Variants in RNF125 observed in about 807,000 individuals in gnomAD.
RNF125 encodes the protein E3 ubiquitin-protein ligase RNF125.
A neutral mutation model predicts 26.0 loss-of-function variants in RNF125; 21 were observed. The ratio of observed to expected loss-of-function variants is 0.81; its 90% CI spans 0.57 to 1.16. The LOEUF (loss-of-function observed/expected upper bound fraction) is 1.16. RNF125 is among the 50% of genes most tolerant of loss of function. The pLI is 0.00. For missense variants in RNF125, 270 were observed against 299.4 expected (o/e 0.90, Z 0.72); for synonymous variants, 95 against 109.2 (o/e 0.87, Z 0.81).
Position 32,036,039 on chromosome 18 carries a change from A to T in RNF125, c.165-1077A>T, listed in dbSNP as rs1305374487. On this transcript the variant is annotated intron_variant, in intron 1 of 5. Coordinates refer to ENST00000217740, the MANE Select transcript of RNF125 (RefSeq NM_017831.4). Reference sequence around the variant, plus strand: ...CGTGGTGGTGGGTGCCAGTAATCCCAGCTACTTGGGAGGCTGAGTCAGGAG... The same window carrying T: ...CGTGGTGGTGGGTGCCAGTAATCCCTGCTACTTGGGAGGCTGAGTCAGGAG... Among the ~76,000 whole-genome samples the T allele has an allele frequency of 2.0e-5, 3 of 152,042 alleles. No individual in the cohort carries two copies. The East Asian group carries it at 5.8e-4, about 29-fold the overall frequency.
chr18:32,073,208 C>G lies in RNF125; in HGVS notation c.*4824C>G, dbSNP rs1022111766. ...TATTAAAATATCTACTGTGTCTATTCTTAAACATTAATCTTGATTACTATT... is the reference window on the plus strand; with the variant it reads ...TATTAAAATATCTACTGTGTCTATTGTTAAACATTAATCTTGATTACTATT... On this transcript the variant is annotated 3_prime_UTR_variant, in exon 6 of 6. Coordinates refer to ENST00000217740, the MANE Select transcript of RNF125 (RefSeq NM_017831.4). 3 of 152,062 alleles carry G rather than the reference C, an allele frequency of 2.0e-5. No individual in the cohort carries two copies. The highest frequency in any genetic ancestry group is 7.2e-5 in the African/African-American group (3 of 41,416). The allele number at this position is 152,062 out of a possible 1,614,324, so 9.4% of individuals were successfully genotyped here.
chr18:32,089,789 A>G, the RNF125 span, among the ~76,000 whole-genome samples: 2 of 152,226 alleles, frequency 1.3e-5, no homozygotes, highest in Admixed American at 1.3e-4. Flanking sequence ...AGACATAAGT[A>G]AAGCTGCCGT....
chr18:32,049,583 G>A (rs1297655995), intron 4 of RNF125, among the ~76,000 whole-genome samples: 5 of 151,992 alleles, frequency 3.3e-5, no homozygotes, highest in Non-Finnish European at 7.4e-5. Flanking sequence ...ATGGGGTGGT[G>A]GTGTGAGTCG....
chr18:32,046,323 G>C (rs558392415), intron 4 of RNF125, among the ~76,000 whole-genome samples: 2 of 151,980 alleles, frequency 1.3e-5, no homozygotes, highest in African/African-American at 4.8e-5. Context: ...AAGGCTGGGC[G>C]TGGTGGCTCA....
chr18:32,082,840 CA>C, the RNF125 span, among the ~76,000 whole-genome samples: 1 of 152,204 alleles, frequency 6.6e-6, no homozygotes, highest in Non-Finnish European at 1.5e-5. Context: ...CTAAGGTCCT[CA>C]GGGCATTTGT....
chr18:32,042,919 C>G (rs551929596), intron 3 of RNF125, among the ~76,000 whole-genome samples: 3 of 151,602 alleles, frequency 2.0e-5, no homozygotes, highest in Non-Finnish European at 4.4e-5. Flanking sequence ...GAGGCTGAGA[C>G]GGGCAGATCA....
intron 1 of RNF125, among the ~76,000 whole-genome samples, chr18:32,033,738 G>C (rs1434465505): frequency 6.6e-6 from 1 of 151,856 alleles, no homozygotes; most frequent in East Asian, 1.9e-4. Flanking sequence ...AGAATCATTT[G>C]AACCTGGGAG....
At chr18:32,050,666 C>A (rs2039314873) in intron 4 of RNF125, among the ~76,000 whole-genome samples, 1 of 151,762 alleles carries the variant, frequency 6.6e-6, no homozygotes, top group Non-Finnish European at 1.5e-5. Flanking sequence ...ATAATTCCAT[C>A]TCTGGAATAT....
intron 4 of RNF125, among the ~76,000 whole-genome samples, chr18:32,051,718 TAG>T (rs1387437580): frequency 2.9e-5 from 4 of 140,010 alleles, no homozygotes; most frequent in Admixed American, 7.7e-5. Context: ...TTGTTTGAGA[TAG>T]AGTCTTGCTC....
Position 32,071,693 on chromosome 18 carries a change from A to T in RNF125, c.*3309A>T, listed in dbSNP as rs1295332436. 6.6e-6 allele frequency: 1 copy of T among 152,112 alleles called. No homozygotes were observed. Among genetic ancestry groups the T allele is most frequent in the East Asian group, 1.9e-4 (1 of 5,198 alleles). 9.4% of individuals were successfully genotyped at this position (152,112 alleles called of 1,614,324 possible). On this transcript the variant is annotated 3_prime_UTR_variant, in exon 6 of 6. Transcript: ENST00000217740. ...CCAAAATTTTCTATAAGTTATTGTA[A>T]CTCCTTAAAGGTCTTGCTACAGTTC...
intron 4 of RNF125, among the ~76,000 whole-genome samples, chr18:32,051,085 T>C (rs911283639): frequency 6.6e-6 from 1 of 151,984 alleles, no homozygotes; most frequent in Non-Finnish European, 1.5e-5. Flanking sequence ...GCTTAAATTT[T>C]ACTTCCTCAA....
rs1338799640 is a variant in RNF125, at chr18:32,068,599, AC to A, written c.*216del. 6.8e-6 allele frequency: 3 copies of A among 439,826 alleles called. No homozygotes were observed. The highest frequency in any genetic ancestry group is 6.1e-5 in the African/African-American group (3 of 49,494). 27.2% of individuals were successfully genotyped at this position (439,826 alleles called of 1,614,324 possible). A position where few individuals can be genotyped will look rare whatever the true frequency, so the allele number is the denominator to read the frequency against. ...CCTTGAGATTCTTACACATCTAACAACAAAAAAAATTATCTACATCAGTCAT... is the reference window on the plus strand; with the variant it reads ...CCTTGAGATTCTTACACATCTAACAAAAAAAAAATTATCTACATCAGTCAT... On this transcript the variant is annotated 3_prime_UTR_variant, in exon 6 of 6. Coordinates refer to ENST00000217740, the MANE Select transcript of RNF125 (RefSeq NM_017831.4).
intron 1 of RNF125, among the ~76,000 whole-genome samples, chr18:32,023,682 G>T (rs1936117262): frequency 6.6e-6 from 1 of 152,174 alleles, no homozygotes; most frequent in South Asian, 2.1e-4. Flanking sequence ...ACTTATGCAT[G>T]TAACTATATT....
intron 1 of RNF125, among the ~76,000 whole-genome samples, chr18:32,034,322 C>T (rs1010586310): frequency 2.0e-4 from 30 of 152,166 alleles, no homozygotes; most frequent in African/African-American, 5.6e-4. Context: ...CTTAGCATCC[C>T]GCTCAGTCTT....
At chr18:32,067,209 C>T (rs1037456065) in intron 5 of RNF125, among the ~76,000 whole-genome samples, 8 of 152,178 alleles carry the variant, frequency 5.3e-5, no homozygotes, top group African/African-American at 1.4e-4. Context: ...ACCGTGATCG[C>T]GCCACTGCAC....
chr18:32,052,217 G>T (rs1174261140), intron 4 of RNF125, among the ~76,000 whole-genome samples: 2 of 151,880 alleles, frequency 1.3e-5, no homozygotes, highest in African/African-American at 4.8e-5. Flanking sequence ...TTCAGTGGCC[G>T]GGTGTGGTGG....
chr18:32,023,249 T>C (rs2039002191), intron 1 of RNF125, among the ~76,000 whole-genome samples: 1 of 152,144 alleles, frequency 6.6e-6, no homozygotes, highest in Admixed American at 6.6e-5. Flanking sequence ...GCCTCCCAGG[T>C]TCAAGTGACT....
intron 1 of RNF125, among the ~76,000 whole-genome samples, chr18:32,020,206 C>T (rs2038974034): frequency 6.6e-6 from 1 of 152,056 alleles, no homozygotes; most frequent in Admixed American, 6.5e-5. Flanking sequence ...CACCCCCACA[C>T]CCGGCTAGTT....
rs369640492 is a variant in RNF125 at position 32,056,663 on chromosome 18, AT to A, written c.505-9238del. 1.7e-4 allele frequency among the ~76,000 whole-genome samples: 26 copies of A among 151,682 alleles called. No individual in the cohort carries two copies. In the South Asian group the frequency reaches 5.0e-3, roughly 29 times the overall value. On this transcript the variant is annotated intron_variant, in intron 4 of 5. Coordinates refer to ENST00000217740, the MANE Select transcript of RNF125 (RefSeq NM_017831.4). Reference sequence around the variant, plus strand: ...AAAGACAATTATAGAAAAAAAGATAATAACATTAAACAATAAAAAAGAGCAA... The same window carrying A: ...AAAGACAATTATAGAAAAAAAGATAAAACATTAAACAATAAAAAAGAGCAA...
Sources: allele counts gnomAD v4.1 joint callset (sites outside exome capture counted in the v4.1 genomes callset), GRCh38; gene constraint gnomAD v4.1.1; transcripts MANE v1.5; gene names NCBI Gene and HGNC (gene_info 2026-07-23, HGNC 2026-07-21).